Variants in PTCD2 observed in about 807,000 individuals in gnomAD.
The protein encoded by PTCD2 is pentatricopeptide repeat domain 2.
PTCD2 carries 31 observed loss-of-function variants against 42.6 expected under a neutral mutation model. The ratio of observed to expected loss-of-function variants is 0.73; its 90% CI spans 0.55 to 0.98. The LOEUF is 0.98. Ranked by LOEUF, PTCD2 falls within the 50% of genes least tolerant of loss-of-function variation. The pLI, the probability that PTCD2 is intolerant of heterozygous loss-of-function variation, is 0.00. For missense variants in PTCD2, 476 were observed against 454.8 expected (o/e 1.05, Z -0.42); for synonymous variants, 183 against 170.9 (o/e 1.07, Z -0.55).
rs1246923269 is a variant in PTCD2, at chr5:72,321,219, C to G, written c.127+710C>G. The G allele has an allele frequency of 1.3e-5, 2 of 152,230 alleles. 1 individual carries two copies. Among genetic ancestry groups the G allele is most frequent in the Admixed American group, 1.3e-4 (2 of 15,280 alleles). 9.4% of individuals were successfully genotyped at this position (152,230 alleles called of 1,614,324 possible). ...TTTTCAAAACTATCCTCTAACATCT[C>G]TATGAAGAGAGTTAAATCTGAAGAT... On this transcript the variant is annotated intron_variant, in intron 1 of 9. Coordinates refer to ENST00000380639, the MANE Select transcript of PTCD2 (RefSeq NM_024754.5).
chr5:72,340,206 A>T (rs1751983381), intron 7 of PTCD2, among the ~76,000 whole-genome samples: 1 of 152,074 alleles, frequency 6.6e-6, no homozygotes, highest in African/African-American at 2.4e-5. Context: ...TGATTTTCTT[A>T]ATTATTTAAT....
intron 4 of PTCD2, among the ~76,000 whole-genome samples, chr5:72,334,750 C>A (rs374231819): frequency 6.6e-6 from 1 of 152,056 alleles, no homozygotes; most frequent in East Asian, 1.9e-4. Flanking sequence ...GGGGTTTCAC[C>A]ATGTTGGCCA....
intron 2 of PTCD2, 94 bp downstream of exon 2, chr5:72,322,358 T>C: frequency 1.3e-6 from 1 of 772,600 alleles, no homozygotes; most frequent in South Asian, 1.5e-5. Flanking sequence ...GTGACTTTAT[T>C]ATGCCTTAGA....
At chr5:72,335,919 G>A (rs767876113) in intron 6 of PTCD2, 34 bp downstream of exon 6, 45 of 1,308,752 alleles carry the variant, frequency 3.4e-5, no homozygotes, top group Non-Finnish European at 4.3e-5. Flanking sequence ...TGAGAGCATT[G>A]TGTGTAGTCT....
At chr5:72,349,088 T>C (rs1752497780) in intron 8 of PTCD2, among the ~76,000 whole-genome samples, 1 of 152,250 alleles carries the variant, frequency 6.6e-6, no homozygotes, top group Non-Finnish European at 1.5e-5. Context: ...TTTTCTTCCA[T>C]GTAGAAAACG....
intron 9 of PTCD2, among the ~76,000 whole-genome samples, chr5:72,353,436 A>T (rs1752717545): frequency 6.6e-6 from 1 of 152,262 alleles, no homozygotes; most frequent in African/African-American, 2.4e-5. Context: ...AAGAAGACCT[A>T]GCCTCATAAA....
At position 72,364,248 on chromosome 5, in the gene PTCD2, A is replaced by G. The variant is rs2112258302; in HGVS notation, c.*5821A>G. 1 of 152,382 alleles carries G rather than the reference A, an allele frequency of 6.6e-6. No homozygotes were observed. Among genetic ancestry groups the G allele is most frequent in the East Asian group, 1.9e-4 (1 of 5,194 alleles). The allele number at this position is 152,382 out of a possible 1,614,324, so 9.4% of individuals were successfully genotyped here. A position where few individuals can be genotyped will look rare whatever the true frequency, so the allele number is the denominator to read the frequency against. The stretch of plus-strand genomic sequence containing the variant: ...GAGTCAAAACAAGAAGATTTTTTAA[A>G]TGTCCTCTGTTCCCATGGAGCTTGC... On this transcript the variant is annotated 3_prime_UTR_variant, in exon 10 of 10. Coordinates refer to ENST00000380639, the MANE Select transcript of PTCD2 (RefSeq NM_024754.5).
In PTCD2 at chr5:72,358,421, T is replaced by C; in HGVS notation, c.1161T>C (p.Ala387=). ...AGCCACTCAGCCAGTCCCTGTTGGC[T>C]GAGTAACCCTGGTTTCAGTCCACCT... ...TFQPLSQSLL[A]E Residue 387 remains alanine, a synonymous_variant, in exon 10 of 10, where the codon GCT becomes GCC. Transcript: ENST00000380639. 1.2e-6 allele frequency: 2 copies of C among 1,612,084 alleles called. No individual in the cohort carries two copies. Among genetic ancestry groups the C allele is most frequent in the South Asian group, 1.1e-5 (1 of 90,982 alleles).
chr5:72,347,403 G>A (rs1752409976), intron 8 of PTCD2, among the ~76,000 whole-genome samples: 2 of 152,172 alleles, frequency 1.3e-5, no homozygotes, highest in Admixed American at 1.3e-4. Context: ...ATCTGGTAAT[G>A]GGCTGGGTGC....
At chr5:72,352,878 T>C in intron 9 of PTCD2, 124 bp downstream of exon 9, 1 of 591,484 alleles carries the variant, frequency 1.7e-6, no homozygotes, top group Non-Finnish European at 3.0e-6. Flanking sequence ...TTCTCTGTTG[T>C]TCCTGTTTTA....
Position 72,362,143 on chromosome 5 carries a change from A to C in PTCD2, c.*3716A>C, listed in dbSNP as rs1254609121. 1 of 152,214 alleles carries C rather than the reference A, an allele frequency of 6.6e-6. No individual in the cohort carries two copies. Among genetic ancestry groups the C allele is most frequent in the East Asian group, 1.9e-4 (1 of 5,192 alleles). 9.4% of individuals were successfully genotyped at this position (152,214 alleles called of 1,614,324 possible). A position where few individuals can be genotyped will look rare whatever the true frequency, so the allele number is the denominator to read the frequency against. Reference sequence around the variant, plus strand: ...CCCCATGGACAGCTTTTCGTCTCTAATACCATACACTCAGTGCAGGGTCTG... The same window carrying C: ...CCCCATGGACAGCTTTTCGTCTCTACTACCATACACTCAGTGCAGGGTCTG... On this transcript the variant is annotated 3_prime_UTR_variant, in exon 10 of 10. Coordinates refer to ENST00000380639, the MANE Select transcript of PTCD2 (RefSeq NM_024754.5).
chr5:72,346,339 G>A (rs1752359468), intron 8 of PTCD2, among the ~76,000 whole-genome samples: 1 of 152,184 alleles, frequency 6.6e-6, no homozygotes, highest in African/African-American at 2.4e-5. Flanking sequence ...CCATAAGAAA[G>A]CAGGGAAGTA....
At position 72,354,793 on chromosome 5, in the gene PTCD2, T is replaced by C. The variant is rs1206064405; in HGVS notation, c.942+2039T>C. Among the ~76,000 whole-genome samples the C allele has an allele frequency of 2.6e-5, 4 of 152,204 alleles. No homozygotes were observed. In the East Asian group the frequency reaches 7.7e-4, roughly 29 times the overall value. On this transcript the variant is annotated intron_variant, in intron 9 of 9. Transcript: ENST00000380639. The stretch of plus-strand genomic sequence containing the variant: ...GTATGTACAAGGCTATTTGTTGCAA[T>C]CCAATTTCTAATAACAGCAGACTGG...
At position 72,360,028 on chromosome 5, in the gene PTCD2, C is replaced by G. The variant is rs1056179849; in HGVS notation, c.*1601C>G. 6.6e-6 allele frequency: 1 copy of G among 151,908 alleles called. No individual in the cohort carries two copies. The highest frequency in any genetic ancestry group is 1.5e-5 in the Non-Finnish European group (1 of 68,000). The allele number at this position is 151,908 out of a possible 1,614,324, so 9.4% of individuals were successfully genotyped here. A position where few individuals can be genotyped will look rare whatever the true frequency, so the allele number is the denominator to read the frequency against. On this transcript the variant is annotated 3_prime_UTR_variant, in exon 10 of 10. Coordinates refer to ENST00000380639, the MANE Select transcript of PTCD2 (RefSeq NM_024754.5). ...GATAGTGGCTGGCACATAGTACATG[C>G]AATATGTTTGAAACTAGTTAAGGAA...
intron 9 of PTCD2, among the ~76,000 whole-genome samples, 178 bp from the exon 10 acceptor site, chr5:72,358,025 C>T (rs1752964175): frequency 6.6e-6 from 1 of 152,072 alleles, no homozygotes; most frequent in African/African-American, 2.4e-5. Context: ...GCCTAGAAAT[C>T]CTGTGCTCAA....
In PTCD2 at chr5:72,361,340, G is replaced by T. The variant is rs56362723; in HGVS notation, c.*2913G>T. 1 of 152,280 alleles carries T rather than the reference G, an allele frequency of 6.6e-6. No individual in the cohort carries two copies. Among genetic ancestry groups the T allele is most frequent in the East Asian group, 1.9e-4 (1 of 5,180 alleles). 9.4% of individuals were successfully genotyped at this position (152,280 alleles called of 1,614,324 possible). On this transcript the variant is annotated 3_prime_UTR_variant, in exon 10 of 10. Coordinates refer to ENST00000380639, the MANE Select transcript of PTCD2 (RefSeq NM_024754.5). ...ATGCAGTTATAGTCATCATCAGATT[G>T]TGGCCGCGACTGGCATAATCTCAAA...
In PTCD2 at chr5:72,335,034, T is replaced by C. The variant is rs759072031; in HGVS notation, c.485T>C (p.Phe162Ser). 1.9e-6 allele frequency: 3 copies of C among 1,596,136 alleles called. No individual in the cohort carries two copies. Among genetic ancestry groups the C allele is most frequent in the Non-Finnish European group, 2.6e-6 (3 of 1,164,050 alleles). ...LMKDQHLRGF[F>S]SDSTSFNILM... ...CTTCGTTAGCATTTACGAGGTTTCT[T>C]CTCAGACTCCACATCATTCAATATT... Residue 162 changes from phenylalanine to serine, a missense_variant, in exon 5 of 10, where the codon TTC becomes TCC. Transcript: ENST00000380639.
At chr5:72,337,176 A>G (rs891993130) in intron 6 of PTCD2, among the ~76,000 whole-genome samples, 1 of 152,130 alleles carries the variant, frequency 6.6e-6, no homozygotes, top group Non-Finnish European at 1.5e-5. Flanking sequence ...GAAAAGCTAG[A>G]TAGTAAATAT....
intron 7 of PTCD2, 28 bp from the exon 8 acceptor site, chr5:72,342,934 G>C: frequency 7.1e-7 from 1 of 1,417,764 alleles, no homozygotes; most frequent in Non-Finnish European, 9.8e-7. Context: ...CTATGATATG[G>C]AATATGATTT....
Sources: gnomAD v4.1 joint callset for allele counts (sites outside exome capture counted in the v4.1 genomes callset) on GRCh38, gnomAD v4.1.1 for gene constraint, MANE v1.5 for transcripts, NCBI Gene and HGNC (gene_info 2026-07-23, HGNC 2026-07-21) for gene names.